ME3: variants seen among roughly 807,000 people sequenced by gnomAD.
ME3 encodes NADP-dependent malic enzyme, mitochondrial.
Under a neutral mutation model 68.9 loss-of-function variants are expected in ME3, and 48 were observed. That is an observed-to-expected ratio of 0.70 (90% CI 0.55 to 0.89). The LOEUF is 0.89. ME3 is among the 40% of genes least tolerant of loss of function. The probability of loss-of-function intolerance (pLI) is 0.00; values close to 1 mark genes in which losing one functional copy is unlikely to be tolerated. For missense variants in ME3, 675 were observed against 797.4 expected (o/e 0.85, Z 1.85); for synonymous variants, 320 against 318.8 (o/e 1.00, Z -0.04).
chr11:86,672,366 G>A (rs1278550070), exon 1 of ME3: 1 of 165,536 alleles, frequency 6.0e-6, no homozygotes, highest in Non-Finnish European at 1.3e-5. Context: ...TCCCGCTGCG[G>A]AGCAGGCGGG....
At chr11:86,653,599 C>T (rs1040385452) in intron 2 of ME3, among the ~76,000 whole-genome samples, 9 of 152,088 alleles carry the variant, frequency 5.9e-5, no homozygotes, top group African/African-American at 1.2e-4. Context: ...CAAAGTAGTG[C>T]GTAGAGGGAA....
intron 10 of ME3, among the ~76,000 whole-genome samples, chr11:86,448,793 A>G (rs1949464704): frequency 6.6e-6 from 1 of 152,242 alleles, no homozygotes; most frequent in Non-Finnish European, 1.5e-5. Flanking sequence ...GGAAGTTGGT[A>G]GGTGACAGGC....
intron 6 of ME3, among the ~76,000 whole-genome samples, chr11:86,490,394 TA>T (rs1279774896): frequency 1.3e-5 from 2 of 152,104 alleles, no homozygotes; most frequent in Non-Finnish European, 2.9e-5. Flanking sequence ...AGGGGGGACC[TA>T]AAGGGTGAAA....
intron 5 of ME3, among the ~76,000 whole-genome samples, chr11:86,501,110 A>G (rs1009201654): frequency 6.6e-6 from 1 of 151,892 alleles, no homozygotes; most frequent in Non-Finnish European, 1.5e-5. Flanking sequence ...ATCCTTGATG[A>G]TGTGCCATGT....
intron 6 of ME3, among the ~76,000 whole-genome samples, chr11:86,497,509 G>C (rs1952429842): frequency 1.3e-5 from 2 of 152,094 alleles, no homozygotes; most frequent in African/African-American, 4.8e-5. Context: ...CTCTCACTGG[G>C]TTTGCAGGAC....
chr11:86,599,549 T>A (rs973229260), intron 2 of ME3, among the ~76,000 whole-genome samples: 6 of 152,198 alleles, frequency 3.9e-5, no homozygotes, highest in Non-Finnish European at 8.8e-5. Context: ...CCAGGACAAC[T>A]TCCCCAATCT....
intron 8 of ME3, among the ~76,000 whole-genome samples, chr11:86,464,288 A>G (rs1950370120): frequency 6.6e-6 from 1 of 152,206 alleles, no homozygotes; most frequent in South Asian, 2.1e-4. Context: ...GGACTTTACA[A>G]AATGCTAGGA....
intron 4 of ME3, among the ~76,000 whole-genome samples, chr11:86,549,409 T>A (rs1019476468): frequency 6.6e-6 from 1 of 152,244 alleles, no homozygotes; most frequent in Non-Finnish European, 1.5e-5. Context: ...AGCTGGCATT[T>A]GCCATTGGCC....
intron 13 of ME3, among the ~76,000 whole-genome samples, chr11:86,444,980 C>T (rs1949202645): frequency 1.3e-5 from 2 of 152,140 alleles, no homozygotes; most frequent in South Asian, 4.1e-4. Flanking sequence ...AATGTTGGAG[C>T]TGAACTGTCT....
chr11:86,583,488 G>A (rs1958560479), intron 2 of ME3, among the ~76,000 whole-genome samples: 1 of 152,176 alleles, frequency 6.6e-6, no homozygotes, highest in Non-Finnish European at 1.5e-5. Context: ...TCTGGCAGTG[G>A]TTGTTAGCTG....
intron 5 of ME3, among the ~76,000 whole-genome samples, chr11:86,506,514 A>G (rs1043544844): frequency 2.0e-5 from 3 of 152,184 alleles, no homozygotes; most frequent in African/African-American, 7.2e-5. Context: ...AATTGAGTCC[A>G]TGATCCCCTC....
intron 2 of ME3, among the ~76,000 whole-genome samples, chr11:86,644,335 G>C (rs901868559): frequency 6.6e-6 from 1 of 152,134 alleles, no homozygotes; most frequent in Non-Finnish European, 1.5e-5. Context: ...AGCAGCCAGA[G>C]AGATCTTTGA....
intron 8 of ME3, chr11:86,457,900 A>C: frequency 1.0e-6 from 1 of 973,892 alleles, no homozygotes; most frequent in East Asian, 6.3e-5. Context: ...TTCTGCTTTT[A>C]ATAGTCAGAT....
exon 7 of ME3, chr11:86,487,413 C>T (rs1361235583): frequency 3.7e-6 from 6 of 1,613,920 alleles, no homozygotes; most frequent in African/African-American, 1.3e-5. Context: ...TGTTTCAGGC[C>T]GATGTACAGA....
At chr11:86,437,796 T>A (rs1295947682), downstream of ME3, among the ~76,000 whole-genome samples, 2 of 152,152 alleles carry the variant, frequency 1.3e-5, no homozygotes, top group Non-Finnish European at 2.9e-5. Context: ...ACCTTGTATT[T>A]GGTGACCTTT....
chr11:86,653,547 T>G (rs889341154), intron 2 of ME3, among the ~76,000 whole-genome samples: 5 of 152,036 alleles, frequency 3.3e-5, no homozygotes, highest in African/African-American at 1.2e-4. Context: ...TTGAAACCAA[T>G]GAGAACAAAG....
At chr11:86,471,008 G>C (rs1318782504) in intron 7 of ME3, among the ~76,000 whole-genome samples, 1 of 152,048 alleles carries the variant, frequency 6.6e-6, no homozygotes, top group Admixed American at 6.5e-5. Flanking sequence ...GACATTCTAG[G>C]CACGTTTTCC....
At position 86,636,537 on chromosome 11, in the gene ME3, A is replaced by G. The variant is rs558864036; in HGVS notation, c.183+35225T>C. Among the ~76,000 whole-genome samples, 5 of 152,288 alleles carry G rather than the reference A, an allele frequency of 3.3e-5. No individual in the cohort carries two copies. The South Asian group carries it at 8.3e-4, about 25-fold the overall frequency. ...CAACATTCCCTATGCCCAGACACAC[A>G]TGACAGCCTGCAGGGCATGCATAGC... is the stretch of plus-strand genomic sequence containing the variant. On this transcript the variant is annotated intron_variant, in intron 2 of 14. Transcript: ENST00000543262.
chr11:86,574,823 G>C (rs1037410390), intron 2 of ME3, among the ~76,000 whole-genome samples: 2 of 152,184 alleles, frequency 1.3e-5, no homozygotes, highest in African/African-American at 4.8e-5. Flanking sequence ...AGTTTTTAAA[G>C]TCAAAAAACT....
Sources: gnomAD v4.1 joint callset for allele counts (sites outside exome capture counted in the v4.1 genomes callset) on GRCh38, gnomAD v4.1.1 for gene constraint, MANE v1.5 for transcripts, NCBI Gene and HGNC (gene_info 2026-07-23, HGNC 2026-07-21) for gene names.